AFF3: variants seen among roughly 807,000 people sequenced by gnomAD.
AFF3 encodes AF4/FMR2 family member 3.
AFF3 carries 32 observed loss-of-function variants against 129.7 expected under a neutral mutation model. The observed-to-expected ratio is 0.25, with a 90% CI of 0.19 to 0.33. The LOEUF (loss-of-function observed/expected upper bound fraction) is 0.33, where lower values mean the gene tolerates loss of function less well. Ranked by LOEUF, AFF3 falls within the 10% of genes least tolerant of loss-of-function variation. The pLI is 1.00. For synonymous variants in AFF3, 644 were observed against 635.4 expected (o/e 1.01, Z -0.20); for missense variants, 1,373 against 1,592.0 (o/e 0.86, Z 2.34).
At chr2:99,690,425 C>T (rs2104654109) in intron 11 of AFF3, among the ~76,000 whole-genome samples, 1 of 152,060 alleles carries the variant, frequency 6.6e-6, no homozygotes, top group African/African-American at 2.4e-5. Flanking sequence ...TCGTGATCCG[C>T]CCGCCTCGGC....
At chr2:99,846,809 C>T (rs1689759426) in intron 7 of AFF3, among the ~76,000 whole-genome samples, 1 of 152,190 alleles carries the variant, frequency 6.6e-6, no homozygotes, top group Admixed American at 6.5e-5. Context: ...ACTCACAAAT[C>T]ACCCTTCCTA....
At chr2:99,914,359 G>A (rs1695310610) in intron 7 of AFF3, among the ~76,000 whole-genome samples, 1 of 152,152 alleles carries the variant, frequency 6.6e-6, no homozygotes, top group Non-Finnish European at 1.5e-5. Flanking sequence ...AGTTTGTAAG[G>A]GACAAAACAA....
At chr2:99,663,239 C>T (rs1395616069) in intron 12 of AFF3, among the ~76,000 whole-genome samples, 1 of 152,028 alleles carries the variant, frequency 6.6e-6, no homozygotes, top group African/African-American at 2.4e-5. Flanking sequence ...AAGAGTACAC[C>T]CAAAACTGAT....
At chr2:99,934,021 G>C (rs908325809) in intron 7 of AFF3, among the ~76,000 whole-genome samples, 1 of 152,146 alleles carries the variant, frequency 6.6e-6, no homozygotes, top group African/African-American at 2.4e-5. Context: ...GGTAGCACCA[G>C]CATCTCTAGG....
At chr2:99,727,195 T>C in intron 10 of AFF3, 67 bp from the exon 11 acceptor site, 1 of 1,412,782 alleles carries the variant, frequency 7.1e-7, no homozygotes, top group Non-Finnish European at 9.7e-7. Context: ...TAAGAGAGAT[T>C]AAATATATTT....
Position 100,006,831 on chromosome 2 carries a change from C to T in AFF3, c.674G>A (p.Ser225Asn), listed in dbSNP as rs369458732. The change falls in exon 7 of 25, where the codon AGC (serine) becomes AAC (asparagine). Residue 225 changes from serine (S) to asparagine (N), a missense_variant. By Grantham distance (46) the Ser-to-Asn change is conservative. Around this residue, in one of 9 missense-constraint regions of AFF3, gnomAD observed 255 missense variants for 256.0 expected, o/e 1.00. Coordinates refer to ENST00000672756, the MANE Select transcript of AFF3 (RefSeq NM_001386135.1). Reference sequence around the variant, plus strand: ...CGCGGTCGGTTTCTGCTGGACCAGGCTGGGTTTTGAAGCTAGGGATGGAGG... The same window carrying T: ...CGCGGTCGGTTTCTGCTGGACCAGGTTGGGTTTTGAAGCTAGGGATGGAGG... ...NFPPSLASKPSLVQQKPTAYV... is the reference protein window; with the variant it reads ...NFPPSLASKPNLVQQKPTAYV... 20 of 1,614,086 alleles carry T rather than the reference C, an allele frequency of 1.2e-5. No individual in the cohort carries two copies. In the African/African-American group the frequency reaches 2.5e-4, roughly 20 times the overall value.
intron 8 of AFF3, among the ~76,000 whole-genome samples, chr2:99,822,397 A>G: frequency 6.6e-6 from 1 of 152,074 alleles, no homozygotes; most frequent in Admixed American, 6.5e-5. Flanking sequence ...TTGCCAAACC[A>G]AATTTATTGC....
At chr2:99,656,231 C>T (rs1181911163) in intron 12 of AFF3, among the ~76,000 whole-genome samples, 2 of 129,232 alleles carry the variant, frequency 1.5e-5, no homozygotes, top group Non-Finnish European at 3.2e-5. Context: ...TCTGGATCTA[C>T]ATTTTGCTAC....
chr2:99,598,927 G>T (rs1679548874), intron 14 of AFF3, among the ~76,000 whole-genome samples: 1 of 152,220 alleles, frequency 6.6e-6, no homozygotes, highest in Non-Finnish European at 1.5e-5. Context: ...AGTGTTAAAA[G>T]AACTTTACTT....
At chr2:99,802,885 C>T (rs1686056362) in intron 8 of AFF3, among the ~76,000 whole-genome samples, 1 of 151,962 alleles carries the variant, frequency 6.6e-6, no homozygotes, top group African/African-American at 2.4e-5. Flanking sequence ...TCTAGGTGTA[C>T]AATCATATTA....
At chr2:99,801,460 G>A (rs567429278) in intron 8 of AFF3, among the ~76,000 whole-genome samples, 4 of 152,298 alleles carry the variant, frequency 2.6e-5, no homozygotes, top group Admixed American at 1.3e-4. Flanking sequence ...TCAACAAAGT[G>A]AAGCCAATAG....
intron 13 of AFF3, among the ~76,000 whole-genome samples, chr2:99,642,693 C>T (rs553540821): frequency 4.3e-4 from 66 of 152,180 alleles, no homozygotes; most frequent in Non-Finnish European, 6.2e-4. Flanking sequence ...CTATCTCCGA[C>T]CCCAGCCAAG....
intron 13 of AFF3, among the ~76,000 whole-genome samples, chr2:99,645,077 G>C (rs1313274106): frequency 1.3e-5 from 2 of 152,202 alleles, no homozygotes; most frequent in South Asian, 4.1e-4. Flanking sequence ...GCTAACACCT[G>C]TAATCCCAGC....
intron 7 of AFF3, among the ~76,000 whole-genome samples, chr2:99,852,336 T>C (rs766983853): frequency 3.3e-5 from 5 of 151,932 alleles, no homozygotes; most frequent in Admixed American, 6.6e-5. Context: ...ATCCACACAG[T>C]CGGTTTTTAG....
chr2:99,949,749 C>T (rs1236773849), intron 7 of AFF3, among the ~76,000 whole-genome samples: 2 of 152,236 alleles, frequency 1.3e-5, no homozygotes. Flanking sequence ...ACAGATGAAG[C>T]TTTGCTCACT....
chr2:100,072,015 T>G (rs1688226840), intron 4 of AFF3, among the ~76,000 whole-genome samples: 1 of 152,198 alleles, frequency 6.6e-6, no homozygotes, highest in African/African-American at 2.4e-5. Flanking sequence ...AACTAGAGAT[T>G]TCTACTCTAG....
At chr2:99,625,050 TCTA>T (rs1388587355) in intron 13 of AFF3, among the ~76,000 whole-genome samples, 7 of 152,238 alleles carry the variant, frequency 4.6e-5, no homozygotes, top group Non-Finnish European at 1.0e-4. Flanking sequence ...AGATGCTTAT[TCTA>T]CTGCTTGGAA....
intron 4 of AFF3, among the ~76,000 whole-genome samples, chr2:100,086,893 C>T (rs1229685931): frequency 6.6e-6 from 1 of 152,198 alleles, no homozygotes; most frequent in Non-Finnish European, 1.5e-5. Flanking sequence ...TTACAACAGC[C>T]CTTAGAGTTA....
intron 7 of AFF3, among the ~76,000 whole-genome samples, chr2:99,931,734 C>A (rs1576372933): frequency 6.6e-6 from 1 of 152,266 alleles, no homozygotes; most frequent in South Asian, 2.1e-4. Context: ...CATGATAGAA[C>A]CCAGTCTCTA....
Sources: allele counts gnomAD v4.1 joint callset (sites outside exome capture counted in the v4.1 genomes callset), GRCh38; gene constraint gnomAD v4.1.1; regional missense constraint gnomAD v4.1.1; transcripts MANE v1.5; gene names NCBI Gene and HGNC (gene_info 2026-07-23, HGNC 2026-07-21).